The following GALNT18 variants were observed in gnomAD, a reference collection of about 807,000 sequenced individuals.
GALNT18 encodes the protein polypeptide N-acetylgalactosaminyltransferase 18.
Under a neutral mutation model 69.5 loss-of-function variants are expected in GALNT18, and 44 were observed. The ratio of observed to expected loss-of-function variants is 0.63; its 90% CI spans 0.50 to 0.81. The LOEUF (loss-of-function observed/expected upper bound fraction) is 0.81, where lower values mean the gene tolerates loss of function less well. Ranked by LOEUF, GALNT18 falls within the 40% of genes least tolerant of loss-of-function variation. The pLI, the probability that GALNT18 is intolerant of heterozygous loss-of-function variation, is 0.00. For missense variants in GALNT18, 715 were observed against 810.0 expected (o/e 0.88, Z 1.42); for synonymous variants, 364 against 318.2 (o/e 1.14, Z -1.53).
chr11:11,443,770 C>T (rs892747464), intron 2 of GALNT18, among the ~76,000 whole-genome samples: 1 of 152,246 alleles, frequency 6.6e-6, no homozygotes, highest in African/African-American at 2.4e-5. Flanking sequence ...GAGGCTTCAC[C>T]AGAGGAGTCT....
At chr11:11,554,364 C>T (rs918893353) in intron 1 of GALNT18, among the ~76,000 whole-genome samples, 4 of 152,102 alleles carry the variant, frequency 2.6e-5, no homozygotes, top group Non-Finnish European at 2.9e-5. Context: ...GGGGGACCAC[C>T]GTGACGGGGA....
intron 1 of GALNT18, among the ~76,000 whole-genome samples, chr11:11,516,129 G>A (rs141345840): frequency 6.6e-6 from 1 of 152,186 alleles, no homozygotes. Flanking sequence ...TCAGGCACAG[G>A]GCCCTCAGAG....
chr11:11,408,416 G>T (rs1049993501), intron 3 of GALNT18, among the ~76,000 whole-genome samples: 45 of 151,310 alleles, frequency 3.0e-4, no homozygotes, highest in Non-Finnish European at 3.8e-4. Context: ...GTGGCCTAGG[G>T]GAATGTTCCT....
intron 10 of GALNT18, among the ~76,000 whole-genome samples, chr11:11,279,161 C>A (rs181185035): frequency 1.2e-3 from 189 of 152,278 alleles, no homozygotes; most frequent in African/African-American, 4.0e-3. Flanking sequence ...TCACCACTCT[C>A]TCTCCTCCCT....
intron 10 of GALNT18, among the ~76,000 whole-genome samples, chr11:11,281,393 C>CG (rs1398979964): frequency 6.6e-6 from 1 of 152,152 alleles, no homozygotes. Flanking sequence ...CCGTACGGAT[C>CG]GGAGGATCAG....
At chr11:11,428,148 C>T (rs1855177286) in intron 3 of GALNT18, among the ~76,000 whole-genome samples, 1 of 152,224 alleles carries the variant, frequency 6.6e-6, no homozygotes, top group Non-Finnish European at 1.5e-5. Flanking sequence ...GAAAGTCTTG[C>T]ACTGAGAGGC....
In GALNT18 at chr11:11,341,697, G is replaced by A. The variant is rs1178515979; in HGVS notation, c.1093-693C>T. Among the ~76,000 whole-genome samples the A allele has an allele frequency of 2.0e-5, 3 of 152,174 alleles. No homozygotes were observed. The highest frequency in any genetic ancestry group is 1.3e-4 in the Admixed American group (2 of 15,284). ...CAAAGCTCTCGCTACAATCTTTCCA[G>A]CCATCCTGACCTTTCAATGTTCCTG... On this transcript the variant is annotated intron_variant, in intron 6 of 10. Transcript: ENST00000227756. This position sits in a 1 kb window ranked among gnomAD's most constrained non-coding sequence, Gnocchi z 6.3.
At chr11:11,417,930 C>A (rs1201749566) in intron 3 of GALNT18, among the ~76,000 whole-genome samples, 1 of 152,216 alleles carries the variant, frequency 6.6e-6, no homozygotes, top group Non-Finnish European at 1.5e-5. Context: ...GAAAAATGAG[C>A]TAACACATGA....
At chr11:11,310,035 TC>T (rs1849642932) in intron 9 of GALNT18, among the ~76,000 whole-genome samples, 1 of 152,188 alleles carries the variant, frequency 6.6e-6, no homozygotes, top group African/African-American at 2.4e-5. Flanking sequence ...CAACCCCACA[TC>T]CCTTCTGATG....
chr11:11,579,663 G>A (rs112235269), intron 1 of GALNT18, among the ~76,000 whole-genome samples: 1 of 102,384 alleles, frequency 9.8e-6, no homozygotes, highest in Non-Finnish European at 2.0e-5. Flanking sequence ...GGCAGTGAAA[G>A]AGCAGGTACG....
rs892376420 is a variant in GALNT18 at position 11,337,697 on chromosome 11, A to T, written c.1278+3122T>A. 6.6e-6 allele frequency among the ~76,000 whole-genome samples: 1 copy of T among 152,028 alleles called. No individual in the cohort carries two copies. Among genetic ancestry groups the T allele is most frequent in the African/African-American group, 2.4e-5 (1 of 41,392 alleles). On this transcript the variant is annotated intron_variant, in intron 7 of 10. Transcript: ENST00000227756. This position sits in a 1 kb window ranked among gnomAD's most constrained non-coding sequence, Gnocchi z 4.9. ...GATTTAGTAGGGGTGGTCATACAGG[A>T]AGAGGTAGAGGGTAGGGAATTCCAA...
Position 11,546,968 on chromosome 11 carries a change from C to T in GALNT18, c.235+74391G>A, listed in dbSNP as rs1329264043. On this transcript the variant is annotated intron_variant, in intron 1 of 10. Coordinates refer to ENST00000227756, the MANE Select transcript of GALNT18 (RefSeq NM_198516.3). The surrounding 1 kb of genome is among the most constrained non-coding windows in gnomAD (Gnocchi z 5.8). ...TAACTCTTGTCATTTTCATCTGATG[C>T]CTCTCTGGGAGGCAGACAGCCTGAC... Among the ~76,000 whole-genome samples, 7 of 151,866 alleles carry T rather than the reference C, an allele frequency of 4.6e-5. No individual in the cohort carries two copies. The highest frequency in any genetic ancestry group is 1.7e-4 in the African/African-American group (7 of 41,416).
intron 6 of GALNT18, among the ~76,000 whole-genome samples, chr11:11,345,268 G>A (rs1295434124): frequency 6.6e-6 from 1 of 152,212 alleles, no homozygotes; most frequent in Admixed American, 6.5e-5. Flanking sequence ...CAGAAGATGT[G>A]GACTCAGCAT....
At chr11:11,385,542 G>A (rs979288953) in intron 3 of GALNT18, among the ~76,000 whole-genome samples, 66 of 152,006 alleles carry the variant, frequency 4.3e-4, no homozygotes, top group Admixed American at 8.5e-4. Context: ...TGATCTGCCC[G>A]CCTCGGCCTC....
intron 6 of GALNT18, among the ~76,000 whole-genome samples, chr11:11,349,213 C>T (rs919590555): frequency 6.6e-5 from 10 of 152,074 alleles, no homozygotes; most frequent in Non-Finnish European, 1.2e-4. Flanking sequence ...TTTAGTTGGT[C>T]GACAGTCTTG....
At chr11:11,364,243 A>G (rs187836648) in intron 6 of GALNT18, among the ~76,000 whole-genome samples, 31 of 152,356 alleles carry the variant, frequency 2.0e-4, no homozygotes, top group African/African-American at 7.2e-4. Flanking sequence ...TAAAATTAAA[A>G]TATTACTATT....
intron 1 of GALNT18, among the ~76,000 whole-genome samples, chr11:11,552,994 C>T (rs1339030150): frequency 6.6e-6 from 1 of 152,132 alleles, no homozygotes. Context: ...GCTTTGCTTA[C>T]TTGGGTGAGT....
intron 10 of GALNT18, among the ~76,000 whole-genome samples, chr11:11,291,661 T>C (rs1033450555): frequency 1.3e-5 from 2 of 152,124 alleles, no homozygotes; most frequent in Non-Finnish European, 2.9e-5. Context: ...GCCACCTGCA[T>C]CCTCCACCTG....
At chr11:11,276,949 C>T (rs1037772184) in intron 10 of GALNT18, among the ~76,000 whole-genome samples, 1 of 152,136 alleles carries the variant, frequency 6.6e-6, no homozygotes, top group South Asian at 2.1e-4. Context: ...TGATGTTCAT[C>T]AGGGATATTG....
Sources: allele counts gnomAD v4.1 joint callset (sites outside exome capture counted in the v4.1 genomes callset), GRCh38; gene constraint gnomAD v4.1.1; non-coding constraint Gnocchi (gnomAD v3.1); transcripts MANE v1.5; gene names NCBI Gene and HGNC (gene_info 2026-07-23, HGNC 2026-07-21).